CELF4: variants seen among roughly 807,000 people sequenced by gnomAD.
CELF4 encodes CUG-BP- and ETR-3-like factor 4.
CELF4 carries 18 observed loss-of-function variants against 59.9 expected under a neutral mutation model. The observed-to-expected ratio is 0.30, with a 90% CI of 0.21 to 0.45. The LOEUF (loss-of-function observed/expected upper bound fraction) is 0.45. Ranked by LOEUF, CELF4 falls within the 20% of genes least tolerant of loss-of-function variation. The probability of loss-of-function intolerance (pLI) is 1.00; values close to 1 mark genes in which losing one functional copy is unlikely to be tolerated. For missense variants in CELF4, 456 were observed against 689.0 expected (o/e 0.66, Z 3.79); for synonymous variants, 261 against 267.1 (o/e 0.98, Z 0.22).
intron 2 of CELF4, among the ~76,000 whole-genome samples, chr18:37,351,167 G>GCA (rs2098433567): frequency 6.6e-6 from 1 of 152,214 alleles, no homozygotes; most frequent in Non-Finnish European, 1.5e-5. Flanking sequence ...TGTCTTGACA[G>GCA]CCGGAGATCC....
intron 2 of CELF4, among the ~76,000 whole-genome samples, chr18:37,326,547 T>C (rs925104869): frequency 1.2e-4 from 18 of 152,298 alleles, no homozygotes; most frequent in African/African-American, 3.8e-4. Flanking sequence ...TGGCCTTCAG[T>C]TGGTGTCTTC....
At chr18:37,295,721 C>T (rs1049435456) in intron 3 of CELF4, among the ~76,000 whole-genome samples, 1 of 152,348 alleles carries the variant, frequency 6.6e-6, no homozygotes, top group Admixed American at 6.5e-5. Flanking sequence ...TACTTCACAT[C>T]CCCATTCGAA....
At position 37,246,107 on chromosome 18, in the gene CELF4, A is replaced by G. The variant is rs1051755968; in HGVS notation, c.*45-910T>C. On this transcript the variant is annotated intron_variant, in intron 12 of 12. Coordinates refer to ENST00000420428, the MANE Select transcript of CELF4 (RefSeq NM_020180.4). The surrounding 1 kb of genome is among the most constrained non-coding windows in gnomAD (Gnocchi z 5.3). ...GAATTAACAAATGAGACTCATCTCC[A>G]TTCTAGCAAGCAGCTTCCACTTATA... 7.9e-5 allele frequency among the ~76,000 whole-genome samples: 12 copies of G among 152,154 alleles called. No homozygotes were observed. The highest frequency in any genetic ancestry group is 5.9e-5 in the Non-Finnish European group (4 of 68,030).
rs556443530 is a variant in CELF4, at chr18:37,290,961, A to G, written c.449-15718T>C. Among the ~76,000 whole-genome samples, 404 of 152,240 alleles carry G rather than the reference A, an allele frequency of 2.7e-3. 3 individuals are homozygous for G. The highest frequency in any genetic ancestry group is 9.3e-3 in the African/African-American group (388 of 41,530). ...TGCTTGCTCTTGTTGTCCAGGCTGA[A>G]TACAATGGCATGATCTTGGCTCACC... On this transcript the variant is annotated intron_variant, in intron 3 of 12. Transcript: ENST00000420428.
At chr18:37,352,783 A>C (rs901306049) in intron 2 of CELF4, among the ~76,000 whole-genome samples, 1 of 152,074 alleles carries the variant, frequency 6.6e-6, no homozygotes, top group African/African-American at 2.4e-5. Context: ...TTTAGGCAGG[A>C]AAGTCTCCCA....
At chr18:37,558,310 A>G (rs376421572) in intron 1 of CELF4, among the ~76,000 whole-genome samples, 2 of 150,208 alleles carry the variant, frequency 1.3e-5, no homozygotes. Flanking sequence ...ATGGGTGGAG[A>G]TGGAGGAAGC....
intron 2 of CELF4, among the ~76,000 whole-genome samples, chr18:37,484,081 A>G (rs1263310002): frequency 3.3e-5 from 5 of 152,062 alleles, no homozygotes; most frequent in African/African-American, 1.2e-4. Flanking sequence ...GCTTTTAGCC[A>G]CCATGAAACT....
At chr18:37,345,507 C>T (rs1021815596) in intron 2 of CELF4, among the ~76,000 whole-genome samples, 2 of 151,862 alleles carry the variant, frequency 1.3e-5, no homozygotes, top group Admixed American at 6.6e-5. Context: ...TTAGAGACCT[C>T]GGTTGCAGCA....
chr18:37,447,594 G>C (rs562204455), intron 2 of CELF4, among the ~76,000 whole-genome samples: 1 of 152,294 alleles, frequency 6.6e-6, no homozygotes, highest in Admixed American at 6.5e-5. Context: ...AGGGGCCCTG[G>C]CCCACCCAGC....
intron 3 of CELF4, among the ~76,000 whole-genome samples, chr18:37,286,000 C>CT (rs1216367578): frequency 4.0e-5 from 6 of 151,860 alleles, no homozygotes; most frequent in Admixed American, 6.6e-5. Context: ...CATAATGGGG[C>CT]TTTTTTTTCC....
chr18:37,467,900 T>C (rs1289964687), intron 2 of CELF4, among the ~76,000 whole-genome samples: 1 of 152,198 alleles, frequency 6.6e-6, no homozygotes, highest in African/African-American at 2.4e-5. Flanking sequence ...CTCTCCCATG[T>C]GTGTTATATG....
intron 2 of CELF4, among the ~76,000 whole-genome samples, chr18:37,397,856 T>C (rs1603635785): frequency 6.6e-6 from 1 of 151,948 alleles, no homozygotes; most frequent in Non-Finnish European, 1.5e-5. Context: ...AGGAATTCCA[T>C]CCCCAGACCC....
intron 2 of CELF4, among the ~76,000 whole-genome samples, chr18:37,477,552 G>T (rs2099853687): frequency 6.6e-6 from 1 of 152,126 alleles, no homozygotes; most frequent in Non-Finnish European, 1.5e-5. Context: ...GCATCAGAGG[G>T]GTGAGGGCCT....
At chr18:37,478,274 C>T (rs1444244876) in intron 2 of CELF4, among the ~76,000 whole-genome samples, 1 of 152,206 alleles carries the variant, frequency 6.6e-6, no homozygotes, top group Non-Finnish European at 1.5e-5. Flanking sequence ...CATTGCTCTG[C>T]CCAGACCACG....
chr18:37,371,446 GC>G (rs1038661759), intron 2 of CELF4, among the ~76,000 whole-genome samples: 7 of 152,206 alleles, frequency 4.6e-5, no homozygotes, highest in Admixed American at 2.6e-4. Flanking sequence ...GGAGAAATGA[GC>G]CCTTTGTGGC....
At chr18:37,391,222 A>T (rs1019707986) in intron 2 of CELF4, among the ~76,000 whole-genome samples, 2 of 152,072 alleles carry the variant, frequency 1.3e-5, no homozygotes, top group Non-Finnish European at 2.9e-5. Context: ...TTTAGTTCAT[A>T]TTTGTCTCCT....
chr18:37,415,666 T>G (rs1603637826), intron 2 of CELF4, among the ~76,000 whole-genome samples: 1 of 152,354 alleles, frequency 6.6e-6, no homozygotes, highest in South Asian at 2.1e-4. Flanking sequence ...ACATAATGCC[T>G]TGGCAGTTCC....
chr18:37,365,481 A>ATTTTTTTT (rs10670336), intron 2 of CELF4, among the ~76,000 whole-genome samples: 7 of 97,760 alleles, frequency 7.2e-5, no homozygotes, highest in African/African-American at 1.7e-4. Flanking sequence ...GGATGGGGCA[A>ATTTTTTTT]TTTTTTTTTT....
intron 1 of CELF4, among the ~76,000 whole-genome samples, chr18:37,491,057 G>A (rs2099902381): frequency 6.6e-6 from 1 of 152,042 alleles, no homozygotes; most frequent in Non-Finnish European, 1.5e-5. Context: ...AGAACTGCAG[G>A]GTGAGAAGTC....
Sources: allele counts gnomAD v4.1 joint callset (sites outside exome capture counted in the v4.1 genomes callset), GRCh38; gene constraint gnomAD v4.1.1; non-coding constraint Gnocchi (gnomAD v3.1); transcripts MANE v1.5; gene names NCBI Gene and HGNC (gene_info 2026-07-23, HGNC 2026-07-21).